The following TENM3 variants were observed in gnomAD, a reference collection of about 807,000 sequenced individuals.
TENM3 encodes teneurin transmembrane protein 3.
In TENM3, 63 loss-of-function variants were observed where a neutral mutation model predicts 255.1. The observed-to-expected ratio is 0.25, with a 90% confidence interval of 0.20 to 0.30. TENM3 has a LOEUF of 0.30. TENM3 is among the 10% of genes least tolerant of loss of function. The pLI is 1.00. For missense variants in TENM3, 2,929 were observed against 3,461.1 expected (o/e 0.85, Z 3.86); for synonymous variants, 1,306 against 1,322.3 (o/e 0.99, Z 0.27).
At chr4:182,000,495 G>T in the TENM3 span, among the ~76,000 whole-genome samples, 1 of 152,068 alleles carries the variant, frequency 6.6e-6, no homozygotes, top group African/African-American at 2.4e-5. Flanking sequence ...ATATTTATAG[G>T]ATGGTCTCTA....
chr4:181,576,856 C>CAGGCTGGA, the TENM3 span, among the ~76,000 whole-genome samples: 1 of 138,164 alleles, frequency 7.2e-6, no homozygotes, highest in Non-Finnish European at 1.5e-5. Flanking sequence ...TCTTATTGCC[C>CAGGCTGGA]AGGCTGGAGT....
the TENM3 span, among the ~76,000 whole-genome samples, chr4:181,760,604 G>T: frequency 6.6e-6 from 1 of 152,116 alleles, no homozygotes; most frequent in African/African-American, 2.4e-5. Context: ...CCCAATCCAG[G>T]AGTCATTTTA....
At chr4:182,172,747 A>C (rs1219782479) in intron 1 of TENM3, among the ~76,000 whole-genome samples, 1 of 152,232 alleles carries the variant, frequency 6.6e-6, no homozygotes, top group Non-Finnish European at 1.5e-5. Context: ...TGTTAAAAAT[A>C]ATGAGAAACA....
the TENM3 span, among the ~76,000 whole-genome samples, chr4:181,645,038 A>G: frequency 6.6e-6 from 1 of 152,210 alleles, no homozygotes. Flanking sequence ...GCACCTTCCT[A>G]AATGAGGACA....
chr4:181,709,301 C>A, the TENM3 span, among the ~76,000 whole-genome samples: 1 of 152,092 alleles, frequency 6.6e-6, no homozygotes, highest in African/African-American at 2.4e-5. Context: ...CAGTAGGACA[C>A]AGAAGACACA....
At position 182,361,264 on chromosome 4, in the gene TENM3, C is replaced by T. The variant is rs1162938100; in HGVS notation, c.511+14335C>T. ...TCTGTATTTCCTGAATCTGAATGTT[C>T]CTGCCTTGCTAGATTGGGGAAGTTC... On this transcript the variant is annotated intron_variant, in intron 3 of 27. Transcript: ENST00000511685. 4.0e-5 allele frequency among the ~76,000 whole-genome samples: 6 copies of T among 151,868 alleles called. No homozygotes were observed. In the East Asian group the frequency reaches 1.2e-3, roughly 30 times the overall value.
chr4:181,580,346 G>A, the TENM3 span, among the ~76,000 whole-genome samples: 1 of 152,118 alleles, frequency 6.6e-6, no homozygotes, highest in Non-Finnish European at 1.5e-5. Context: ...GGCTTCCCCC[G>A]ACTGAGAGGC....
At chr4:181,819,027 C>T in the TENM3 span, among the ~76,000 whole-genome samples, 173 of 152,262 alleles carry the variant, frequency 1.1e-3, no homozygotes, top group Non-Finnish European at 2.0e-3. Context: ...TTAGAACTCC[C>T]CTTCATTGCC....
the TENM3 span, among the ~76,000 whole-genome samples, chr4:181,793,193 T>G: frequency 6.6e-6 from 1 of 152,222 alleles, no homozygotes; most frequent in African/African-American, 2.4e-5. Context: ...CATCCAGGGC[T>G]GGCCGGCGAT....
the TENM3 span, among the ~76,000 whole-genome samples, chr4:181,997,818 CTA>C: frequency 6.6e-6 from 1 of 152,150 alleles, no homozygotes; most frequent in South Asian, 2.1e-4. Context: ...TAAAAAAGGT[CTA>C]TGTTACTTTC....
the TENM3 span, among the ~76,000 whole-genome samples, chr4:181,605,043 A>G: frequency 6.6e-6 from 1 of 152,220 alleles, no homozygotes; most frequent in Non-Finnish European, 1.5e-5. Context: ...TACATCCACC[A>G]TGTGATTTAG....
the TENM3 span, among the ~76,000 whole-genome samples, chr4:181,775,370 G>A: frequency 1.4e-4 from 22 of 152,070 alleles, no homozygotes; most frequent in South Asian, 4.1e-4. Flanking sequence ...TCTAGGTTTC[G>A]TTTGGGGCTG....
At chr4:182,512,313 C>T (rs1737484701) in intron 3 of TENM3, among the ~76,000 whole-genome samples, 1 of 152,130 alleles carries the variant, frequency 6.6e-6, no homozygotes, top group South Asian at 2.1e-4. Flanking sequence ...CAAAGGACCT[C>T]AGGGACCGTA....
chr4:181,530,425 T>A, the TENM3 span, among the ~76,000 whole-genome samples: 9 of 152,304 alleles, frequency 5.9e-5, no homozygotes, highest in South Asian at 2.1e-4. Flanking sequence ...CTCACTGATA[T>A]GTCTTAAGAA....
At chr4:181,856,019 A>G in the TENM3 span, among the ~76,000 whole-genome samples, 1 of 67,694 alleles carries the variant, frequency 1.5e-5, no homozygotes, top group African/African-American at 3.7e-5. Flanking sequence ...AGGAAAGGGA[A>G]AGAAGGAAGG....
At chr4:181,937,433 G>A in the TENM3 span, among the ~76,000 whole-genome samples, 14 of 152,212 alleles carry the variant, frequency 9.2e-5, no homozygotes, top group African/African-American at 3.4e-4. Context: ...GAGGGGCAGG[G>A]CATCTAGGCT....
intron 2 of TENM3, among the ~76,000 whole-genome samples, chr4:182,338,834 T>C (rs1764300800): frequency 6.6e-6 from 1 of 152,218 alleles, no homozygotes; most frequent in South Asian, 2.1e-4. Context: ...ATGTTGGAAA[T>C]TGTGAAAGAG....
intron 3 of TENM3, among the ~76,000 whole-genome samples, chr4:182,543,105 C>T: frequency 6.6e-6 from 1 of 152,068 alleles, no homozygotes; most frequent in East Asian, 1.9e-4. Context: ...CTAGAAGGAA[C>T]AAACACACCA....
chr4:181,797,926 C>T, the TENM3 span, among the ~76,000 whole-genome samples: 6 of 152,130 alleles, frequency 3.9e-5, no homozygotes, highest in Admixed American at 3.3e-4. Context: ...TCTCTATTTT[C>T]TCTGGTGACA....
Sources: allele counts gnomAD v4.1 joint callset (sites outside exome capture counted in the v4.1 genomes callset), GRCh38; gene constraint gnomAD v4.1.1; transcripts MANE v1.5; gene names NCBI Gene and HGNC (gene_info 2026-07-23, HGNC 2026-07-21).